CWC25: variants seen among roughly 807,000 people sequenced by gnomAD.
The protein encoded by CWC25 is CWC25 spliceosome associated protein, also known as pre-mRNA-splicing factor CWC25 homolog.
In CWC25, 31 loss-of-function variants were observed where a neutral mutation model predicts 54.6. The observed-to-expected ratio is 0.57, with a 90% CI of 0.43 to 0.77. CWC25 has a LOEUF of 0.77. Ranked by LOEUF, CWC25 falls within the 30% of genes least tolerant of loss-of-function variation. CWC25 has a pLI of 0.00. For synonymous variants in CWC25, 151 were observed against 187.0 expected (o/e 0.81, Z 1.57); for missense variants, 453 against 529.3 (o/e 0.86, Z 1.41).
intron 7 of CWC25, 93 bp downstream of exon 7, chr17:38,806,672 C>A: frequency 8.8e-7 from 1 of 1,136,594 alleles, no homozygotes; most frequent in South Asian, 1.6e-5. Flanking sequence ...TTGGGAAAGT[C>A]AATGGACGGA....
intron 4 of CWC25, among the ~76,000 whole-genome samples, chr17:38,810,920 CAAAA>C (rs71352314): frequency 4.2e-5 from 3 of 71,404 alleles, no homozygotes; most frequent in South Asian, 1.2e-3. Flanking sequence ...AACTGTGTCT[CAAAA>C]AAAAAAAAAA....
chr17:38,808,008 A>G lies in CWC25; in HGVS notation c.691-1032T>C, dbSNP rs1472278057. Among the ~76,000 whole-genome samples, 4 of 133,214 alleles carry G rather than the reference A, an allele frequency of 3.0e-5. 1 individual carries two copies. Among genetic ancestry groups the G allele is most frequent in the African/African-American group, 8.2e-5 (3 of 36,672 alleles). 87.4% of individuals were successfully genotyped at this position (133,214 alleles called of 152,430 possible). ...GAGGCAGAGCTTGCAGTGAGCCGAG[A>G]TGGCGCCACTGCATTCCAGCCTAGG... is the stretch of plus-strand genomic sequence containing the variant. On this transcript the variant is annotated intron_variant, in intron 6 of 9. Transcript: ENST00000614790.
chr17:38,807,523 G>C lies in CWC25; in HGVS notation c.691-547C>G, dbSNP rs1036603748. Among the ~76,000 whole-genome samples, 3 of 140,160 alleles carry C rather than the reference G, an allele frequency of 2.1e-5. 1 individual carries two copies. The highest frequency in any genetic ancestry group is 5.2e-5 in the African/African-American group (2 of 38,618). The allele number at this position is 140,160 out of a possible 152,430, so 92.0% of individuals were successfully genotyped here. A position where few individuals can be genotyped will look rare whatever the true frequency, so the allele number is the denominator to read the frequency against. On this transcript the variant is annotated intron_variant, in intron 6 of 9. Coordinates refer to ENST00000614790, the MANE Select transcript of CWC25 (RefSeq NM_017748.5). ...TTGAATCCCAACACTTTGGGAGACG[G>C]AGGCAGGAGGACTGCCTGAGATCAA...
At position 38,809,249 on chromosome 17, in the gene CWC25, G is replaced by A. The variant is rs184381612; in HGVS notation, c.690+453C>T. ...TCAAGACCATCCTGGCCAACATGAC[G>A]AAACCCTGTCTCTACTAAAAATACA... On this transcript the variant is annotated intron_variant, in intron 6 of 9. Transcript: ENST00000614790. 2.0e-3 allele frequency among the ~76,000 whole-genome samples: 310 copies of A among 151,542 alleles called. 1 individual carries two copies. The highest frequency in any genetic ancestry group is 7.0e-3 in the African/African-American group (291 of 41,338).
At position 38,806,285 on chromosome 17, in the gene CWC25, C is replaced by G; in HGVS notation, c.1001+12G>C. On this transcript the variant is annotated intron_variant, in intron 8 of 9. Coordinates refer to ENST00000614790, the MANE Select transcript of CWC25 (RefSeq NM_017748.5). ...TGCAAAATGTGGTTAATCAACTGGG[C>G]TCCTGACTCACCTGGTGTATCCGGG... The G allele has an allele frequency of 1.2e-6, 2 of 1,603,076 alleles. No homozygotes were observed. Among genetic ancestry groups the G allele is most frequent in the Non-Finnish European group, 1.7e-6 (2 of 1,173,838 alleles).
At chr17:38,818,153 G>A (rs1911776948) in intron 2 of CWC25, among the ~76,000 whole-genome samples, 1 of 151,670 alleles carries the variant, frequency 6.6e-6, no homozygotes, top group Non-Finnish European at 1.5e-5. Context: ...ATGTGCGCCT[G>A]TAATCCCAGC....
chr17:38,815,634 T>A (rs1911665809), intron 2 of CWC25: 2 of 1,280,148 alleles, frequency 1.6e-6, no homozygotes, highest in South Asian at 2.5e-5. Flanking sequence ...CATAAAGCAA[T>A]TTATAAGGAA....
intron 8 of CWC25, among the ~76,000 whole-genome samples, chr17:38,804,727 G>A (rs1425520886): frequency 1.3e-5 from 2 of 149,590 alleles, no homozygotes; most frequent in Non-Finnish European, 3.0e-5. Flanking sequence ...AGAATCGCTG[G>A]AACCCGGGAG....
rs1432018063 is a variant in CWC25, at chr17:38,810,987, C to CT, written c.499-393dup. The stretch of plus-strand genomic sequence containing the variant: ...GGCTCACGCCTGTAATCTCTCAGCA[C>CT]TTTGAGAGGCTGAGGTGGGAGGATC... On this transcript the variant is annotated intron_variant, in intron 4 of 9. Transcript: ENST00000614790. 6.1e-5 allele frequency among the ~76,000 whole-genome samples: 9 copies of CT among 148,584 alleles called. No homozygotes were observed. In the East Asian group the frequency reaches 1.8e-3, roughly 30 times the overall value.
chr17:38,805,109 G>GAAA (rs34134200), intron 8 of CWC25, among the ~76,000 whole-genome samples: 2 of 115,994 alleles, frequency 1.7e-5, no homozygotes, highest in Non-Finnish European at 1.8e-5. Context: ...CTCCATCTCA[G>GAAA]AAAAAAAAAA....
chr17:38,820,552 A>G lies in CWC25; in HGVS notation c.191+349T>C, dbSNP rs543206305. On this transcript the variant is annotated intron_variant, in intron 2 of 9. Transcript: ENST00000614790. ...TAACAAAGGCAGGACTGCATCCTCA[A>G]CATATGCTGAGAAGCAGGGTAGAGC... Among the ~76,000 whole-genome samples, 4 of 152,258 alleles carry G rather than the reference A, an allele frequency of 2.6e-5. No individual in the cohort carries two copies. The South Asian group carries it at 8.3e-4, about 32-fold the overall frequency.
intron 8 of CWC25, 137 bp downstream of exon 8, chr17:38,806,160 G>C (rs931100739): frequency 2.7e-6 from 2 of 742,426 alleles, no homozygotes; most frequent in Non-Finnish European, 4.6e-6. Context: ...AGGGGACGCA[G>C]ACCCTTACAG....
chr17:38,810,635 G>A, intron 4 of CWC25, 40 bp from the exon 5 acceptor site: 2 of 1,032,886 alleles, frequency 1.9e-6, no homozygotes, highest in Non-Finnish European at 3.0e-6. Context: ...AGATTACTGA[G>A]ACCAGCCAGC....
Position 38,806,463 on chromosome 17 carries a change from A to C in CWC25, c.903-68T>G, listed in dbSNP as rs112710628. 2.4e-3 allele frequency: 3,096 copies of C among 1,281,914 alleles called. 6 individuals are homozygous for C. Among genetic ancestry groups the C allele is most frequent in the Non-Finnish European group, 3.1e-3 (2,787 of 896,796 alleles). 79.4% of individuals were successfully genotyped at this position (1,281,914 alleles called of 1,614,324 possible). A position where few individuals can be genotyped will look rare whatever the true frequency, so the allele number is the denominator to read the frequency against. On this transcript the variant is annotated intron_variant, in intron 7 of 9. Coordinates refer to ENST00000614790, the MANE Select transcript of CWC25 (RefSeq NM_017748.5). ...TCCAGGGGCTTACACTGAATCCCTC[A>C]AACAATGCAAGATGAGCTAATGGTC... is the stretch of plus-strand genomic sequence containing the variant.
At chr17:38,808,055 C>CAAA (rs61226105) in intron 6 of CWC25, among the ~76,000 whole-genome samples, 1 of 52,758 alleles carries the variant, frequency 1.9e-5, no homozygotes, top group Non-Finnish European at 4.1e-5. Context: ...GACTCCATCT[C>CAAA]AAAAAAAAAA....
chr17:38,824,714 G>A (rs1312445263), intron 1 of CWC25, among the ~76,000 whole-genome samples: 2 of 152,014 alleles, frequency 1.3e-5, no homozygotes, highest in Non-Finnish European at 2.9e-5. Flanking sequence ...CGACCCCAGG[G>A]CATGGCTTAG....
At chr17:38,811,029 G>A (rs1407821168) in intron 4 of CWC25, among the ~76,000 whole-genome samples, 4 of 150,830 alleles carry the variant, frequency 2.7e-5, no homozygotes, top group South Asian at 2.1e-4. Flanking sequence ...TCAGGAGTTC[G>A]AGACCACCCT....
At chr17:38,815,772 A>G (rs1473521767) in intron 2 of CWC25, 11 of 857,734 alleles carry the variant, frequency 1.3e-5, no homozygotes, top group Non-Finnish European at 1.7e-5. Flanking sequence ...ATTCTACATC[A>G]CCATCTTACC....
At chr17:38,816,734 G>A (rs1371496253) in intron 2 of CWC25, among the ~76,000 whole-genome samples, 3 of 151,478 alleles carry the variant, frequency 2.0e-5, no homozygotes, top group Non-Finnish European at 4.4e-5. Context: ...GCCCAGGCTG[G>A]AGTGCAGTGG....
Sources: allele counts gnomAD v4.1 joint callset (sites outside exome capture counted in the v4.1 genomes callset), GRCh38; gene constraint gnomAD v4.1.1; transcripts MANE v1.5; gene names NCBI Gene and HGNC (gene_info 2026-07-23, HGNC 2026-07-21).